The following NUP210L variants were observed in gnomAD, a reference collection of about 807,000 sequenced individuals.
NUP210L encodes nuclear pore membrane glycoprotein 210-like.
In NUP210L, 74 loss-of-function variants were observed where a neutral mutation model predicts 208.5. That is an observed-to-expected ratio of 0.35 (90% CI 0.29 to 0.43). The LOEUF (loss-of-function observed/expected upper bound fraction) is 0.43. Among genes scored for constraint, NUP210L ranks in the 20% least tolerant of loss-of-function variants. The pLI is 1.00. For synonymous variants in NUP210L, 780 were observed against 816.9 expected (o/e 0.95, Z 0.77); for missense variants, 1,843 against 2,289.4 (o/e 0.81, Z 3.98).
At chr1:154,061,604 T>C in exon 18 of NUP210L, 11 of 1,594,938 alleles carry the variant, frequency 6.9e-6, no homozygotes, top group Non-Finnish European at 9.4e-6. Flanking sequence ...TTTTCTTCTC[T>C]GAATAGCCCA....
chr1:154,124,292 T>G (rs1260522533), intron 10 of NUP210L, among the ~76,000 whole-genome samples: 1 of 151,658 alleles, frequency 6.6e-6, no homozygotes, highest in East Asian at 1.9e-4. Context: ...AATAATGTAT[T>G]GAATACAGAA....
At chr1:154,110,000 G>A (rs1159813763) in intron 12 of NUP210L, among the ~76,000 whole-genome samples, 1 of 151,240 alleles carries the variant, frequency 6.6e-6, no homozygotes, top group African/African-American at 2.5e-5. Context: ...TTGGGAGGCT[G>A]AGGCAGGTGG....
At chr1:154,103,810 G>T (rs1294227945) in intron 13 of NUP210L, among the ~76,000 whole-genome samples, 1 of 152,002 alleles carries the variant, frequency 6.6e-6, no homozygotes, top group Non-Finnish European at 1.5e-5. Context: ...TCTGTAAAAT[G>T]AGGAGTATAA....
intron 14 of NUP210L, among the ~76,000 whole-genome samples, chr1:154,095,917 T>C (rs763283518): frequency 2.0e-5 from 3 of 152,218 alleles, no homozygotes; most frequent in Non-Finnish European, 2.9e-5. Flanking sequence ...AGGTTATTTT[T>C]GTATGGCACA....
At chr1:154,077,365 C>CA (rs999559317) in intron 16 of NUP210L, among the ~76,000 whole-genome samples, 5 of 150,346 alleles carry the variant, frequency 3.3e-5, no homozygotes, top group Admixed American at 2.0e-4. Flanking sequence ...TACTCTGTCT[C>CA]AAAAAAATAA....
intron 27 of NUP210L, among the ~76,000 whole-genome samples, chr1:154,044,503 T>C (rs1406229613): frequency 6.6e-6 from 1 of 152,074 alleles, no homozygotes; most frequent in Non-Finnish European, 1.5e-5. Flanking sequence ...AATTCCAGTA[T>C]AACTAGACTC....
At chr1:154,051,166 T>C (rs1165409621) in intron 25 of NUP210L, among the ~76,000 whole-genome samples, 1 of 152,194 alleles carries the variant, frequency 6.6e-6, no homozygotes, top group Non-Finnish European at 1.5e-5. Context: ...GGGAATCAAA[T>C]GGCTGATTGC....
At chr1:154,025,307 A>T (rs1037557234) in intron 30 of NUP210L, among the ~76,000 whole-genome samples, 2 of 145,956 alleles carry the variant, frequency 1.4e-5, no homozygotes, top group East Asian at 4.0e-4. Flanking sequence ...CTGGCCTCTT[A>T]TAGGTTCATT....
exon 6 of NUP210L, chr1:154,138,147 A>G: frequency 6.5e-7 from 1 of 1,528,830 alleles, no homozygotes; most frequent in Non-Finnish European, 8.7e-7. Flanking sequence ...TTGGTATTTA[A>G]TATATGTTCC....
chr1:153,995,049 C>G, intron 38 of NUP210L, 27 bp downstream of exon 38: 5 of 1,296,680 alleles, frequency 3.9e-6, no homozygotes, highest in East Asian at 2.3e-5. Context: ...ATGTCAAAGT[C>G]TATGTTATTG....
intron 16 of NUP210L, among the ~76,000 whole-genome samples, chr1:154,070,918 C>T (rs763800948): frequency 2.0e-5 from 3 of 151,980 alleles, no homozygotes; most frequent in African/African-American, 7.3e-5. Context: ...TATTTTTATA[C>T]GTTTTTTAGT....
At chr1:154,084,812 TG>T (rs1382516415) in intron 16 of NUP210L, among the ~76,000 whole-genome samples, 2 of 148,294 alleles carry the variant, frequency 1.3e-5, no homozygotes, top group African/African-American at 2.5e-5. Flanking sequence ...AGGCTGGGGT[TG>T]GGGGGAGGAT....
At chr1:153,994,943 C>T in intron 38 of NUP210L, 133 bp downstream of exon 38, 1 of 547,132 alleles carries the variant, frequency 1.8e-6, no homozygotes, top group Admixed American at 3.3e-5. Context: ...ACTCGGGCGG[C>T]AGAGGTTGCT....
At position 154,141,380 on chromosome 1, in the gene NUP210L, G is replaced by A. The variant is rs377146217; in HGVS notation, c.566+51C>T. The A allele has an allele frequency of 6.6e-4, 752 of 1,131,554 alleles. 2 individuals carry two copies. Among genetic ancestry groups the A allele is most frequent in the Non-Finnish European group, 7.7e-4 (573 of 739,454 alleles). 70.1% of individuals were successfully genotyped at this position (1,131,554 alleles called of 1,614,324 possible). ...TTGCTTGTTCAGCATGCCGCTTAAT[G>A]GCAGATGTCTTCTTCATAGTCAGAT... is the stretch of plus-strand genomic sequence containing the variant. On this transcript the variant is annotated intron_variant, in intron 4 of 39. Transcript: ENST00000368559.
Position 154,011,473 on chromosome 1 carries a change from C to T in NUP210L, c.4780+771G>A, listed in dbSNP as rs61805528. Among the ~76,000 whole-genome samples the T allele has an allele frequency of 1.5e-3, 232 of 151,450 alleles. 1 individual carries two copies. Among genetic ancestry groups the T allele is most frequent in the Non-Finnish European group, 2.8e-3 (191 of 67,932 alleles). ...TCCTGACCTCATGATCCATCCGCCT[C>T]GGCTTCCCAAAGTGCTGGGATTACA... On this transcript the variant is annotated intron_variant, in intron 34 of 39. Coordinates refer to ENST00000368559, the Ensembl canonical transcript of NUP210L.
At chr1:154,117,645 C>CT in intron 12 of NUP210L, 80 bp downstream of exon 12, 9 of 1,141,458 alleles carry the variant, frequency 7.9e-6, no homozygotes, top group Non-Finnish European at 8.7e-6. Flanking sequence ...ATGTTGGGCT[C>CT]TTTTTTTAAA....
chr1:154,054,919 TAGACAGA>T, intron 23 of NUP210L, 87 bp from the exon 24 acceptor site: 2 of 792,028 alleles, frequency 2.5e-6, no homozygotes, highest in Non-Finnish European at 4.2e-6. Flanking sequence ...TTTTTTTTTT[TAGACAGA>T]GTCTTGCTCT....
At chr1:154,038,355 T>G (rs1652681201) in intron 27 of NUP210L, among the ~76,000 whole-genome samples, 1 of 148,940 alleles carries the variant, frequency 6.7e-6, no homozygotes, top group Non-Finnish European at 1.5e-5. Context: ...TTTTTTTTTA[T>G]TTTTGAGATG....
chr1:154,060,436 G>C (rs1182707695), intron 20 of NUP210L, 104 bp downstream of exon 20: 1 of 705,614 alleles, frequency 1.4e-6, no homozygotes. Flanking sequence ...AAAGGAAAAT[G>C]TTACTTCTGT....
Sources: gnomAD v4.1 joint callset for allele counts (sites outside exome capture counted in the v4.1 genomes callset) on GRCh38, gnomAD v4.1.1 for gene constraint, MANE v1.5 for transcripts, NCBI Gene and HGNC (gene_info 2026-07-23, HGNC 2026-07-21) for gene names.